LANCL3: variants seen among roughly 807,000 people sequenced by gnomAD.
LANCL3 encodes the protein LanC like family member 3, also known as lanC-like protein 3.
A neutral mutation model predicts 26.5 loss-of-function variants in LANCL3; 19 were observed. That is an observed-to-expected ratio of 0.72 (90% CI 0.50 to 1.05). LANCL3 has a LOEUF of 1.05. Among genes scored for constraint, LANCL3 ranks in the 50% least tolerant of loss-of-function variants. LANCL3 has a pLI of 0.00. For missense variants in LANCL3, 318 were observed against 362.7 expected (o/e 0.88, Z 1.00); for synonymous variants, 160 against 166.6 (o/e 0.96, Z 0.30).
At chrX:37,616,972 T>C (rs1284099228) in intron 1 of LANCL3, among the ~76,000 whole-genome samples, 1 of 111,867 alleles carries the variant, frequency 8.9e-6, no homozygotes, top group East Asian at 2.8e-4. Context: ...AAGTGCTCTT[T>C]TGAAAGATCA....
chrX:37,604,192 G>C (rs1924644958), intron 1 of LANCL3, among the ~76,000 whole-genome samples: 1 of 112,446 alleles, frequency 8.9e-6, no homozygotes, highest in African/African-American at 3.2e-5. Context: ...GAAGCAGTGT[G>C]ACAACTGTTG....
At chrX:37,595,766 G>C (rs1436695264) in intron 1 of LANCL3, among the ~76,000 whole-genome samples, 1 of 111,523 alleles carries the variant, frequency 9.0e-6, no homozygotes, top group Non-Finnish European at 1.9e-5. Flanking sequence ...ATATATTTCT[G>C]GACCCTTATC....
rs1926926708 is a variant in LANCL3, at chrX:37,681,153, A to C, written c.*5340A>C. ...AATGCAAACCACATATGCAATTTTC[A>C]AATTTTCTAGTAGCTACCAAAAAGG... is the stretch of plus-strand genomic sequence containing the variant. On this transcript the variant is annotated 3_prime_UTR_variant, in exon 5 of 5. Transcript: ENST00000378619. The C allele has an allele frequency of 8.9e-6, 1 of 112,275 alleles. No homozygotes were observed. The highest frequency in any genetic ancestry group is 9.4e-5 in the Admixed American group (1 of 10,615). 9.3% of individuals were successfully genotyped at this position (112,275 alleles called of 1,213,427 possible). A position where few individuals can be genotyped will look rare whatever the true frequency, so the allele number is the denominator to read the frequency against.
At chrX:37,591,616 T>G (rs373151603) in intron 1 of LANCL3, among the ~76,000 whole-genome samples, 1,717 of 108,975 alleles carry the variant, frequency 0.016, 15 homozygotes, top group African/African-American at 0.026. Flanking sequence ...AGCAAGAGTG[T>G]GATCTTAGGC....
chrX:37,580,584 A>G (rs782058442), intron 1 of LANCL3, among the ~76,000 whole-genome samples: 7 of 111,468 alleles, frequency 6.3e-5, no homozygotes, highest in Non-Finnish European at 1.3e-4. Flanking sequence ...AGCAACTTTG[A>G]AGTATAGAAT....
intron 1 of LANCL3, among the ~76,000 whole-genome samples, chrX:37,597,728 G>A (rs1348861802): frequency 1.2e-5 from 1 of 85,208 alleles, no homozygotes; most frequent in African/African-American, 4.7e-5. Flanking sequence ...TATTGCCCAA[G>A]CTGTTCTCGA....
At chrX:37,673,319 A>C (rs1926724771) in intron 4 of LANCL3, among the ~76,000 whole-genome samples, 1 of 109,710 alleles carries the variant, frequency 9.1e-6, no homozygotes, top group Non-Finnish European at 1.9e-5. Context: ...TTTGTTTTCC[A>C]CTTTTACTTC....
intron 1 of LANCL3, among the ~76,000 whole-genome samples, chrX:37,581,856 C>T (rs141925795): frequency 1.3e-3 from 144 of 110,821 alleles, no homozygotes; most frequent in African/African-American, 4.5e-3. Flanking sequence ...TATGTATATA[C>T]GTGCCATGTT....
In LANCL3 at chrX:37,655,770, C is replaced by A. The variant is rs782645717; in HGVS notation, c.656C>A (p.Pro219Gln). The stretch of plus-strand genomic sequence containing the variant: ...CAGTATGCCATAAAGAAGAGGAAAC[C>A]ATTCCCCCTGATGTATTCTTACTAT... Reference protein sequence around the residue: ...GKQYAIKKRKPFPLMYSYYGT... With the variant: ...GKQYAIKKRKQFPLMYSYYGT... The change falls in exon 2 of 5, where the codon CCA (proline) becomes CAA (glutamine). Residue 219 changes from proline (P) to glutamine (Q), a missense_variant. Physicochemically the swap from Pro to Gln is moderately conservative, Grantham distance 76. Transcript: ENST00000378619. 5.0e-6 allele frequency: 6 copies of A among 1,205,450 alleles called. No homozygotes were observed. The highest frequency in any genetic ancestry group is 6.7e-6 in the Non-Finnish European group (6 of 890,478).
chrX:37,639,543 A>G (rs1328492473), intron 1 of LANCL3, among the ~76,000 whole-genome samples: 1 of 110,470 alleles, frequency 9.1e-6, no homozygotes, highest in African/African-American at 3.3e-5. Context: ...AGGCAAACTT[A>G]TAGTGAGGGT....
chrX:37,651,445 T>G (rs1377175285), intron 1 of LANCL3, among the ~76,000 whole-genome samples: 1 of 112,476 alleles, frequency 8.9e-6, no homozygotes, highest in Non-Finnish European at 1.9e-5. Flanking sequence ...ATTTTGTTAT[T>G]CTTTATAGTT....
intron 1 of LANCL3, among the ~76,000 whole-genome samples, chrX:37,609,557 A>G (rs1019032149): frequency 1.2e-4 from 13 of 112,022 alleles, no homozygotes; most frequent in African/African-American, 4.2e-4. Flanking sequence ...ATTGGACCAC[A>G]TGGGTCCTTG....
intron 1 of LANCL3, among the ~76,000 whole-genome samples, chrX:37,631,306 A>G (rs1488749145): frequency 1.8e-5 from 2 of 111,483 alleles, no homozygotes; most frequent in Non-Finnish European, 3.8e-5. Context: ...TATCCCCTAT[A>G]TCATTTTTTG....
At chrX:37,641,269 T>C (rs1925853168) in intron 1 of LANCL3, among the ~76,000 whole-genome samples, 1 of 110,117 alleles carries the variant, frequency 9.1e-6, no homozygotes, top group Non-Finnish European at 1.9e-5. Flanking sequence ...ATGTCCATTT[T>C]ATTTCATATA....
chrX:37,648,216 A>G (rs1244725678), intron 1 of LANCL3, among the ~76,000 whole-genome samples: 4 of 112,562 alleles, frequency 3.6e-5, no homozygotes, highest in African/African-American at 9.7e-5. Context: ...CGATAGTCAT[A>G]GTTAGAAAAA....
At chrX:37,632,389 G>A (rs1332394248) in intron 1 of LANCL3, among the ~76,000 whole-genome samples, 2 of 111,131 alleles carry the variant, frequency 1.8e-5, no homozygotes, top group East Asian at 2.8e-4. Flanking sequence ...CACTGTGATG[G>A]GTCTTGACTC....
intron 1 of LANCL3, among the ~76,000 whole-genome samples, chrX:37,591,371 T>G (rs1465421237): frequency 5.4e-5 from 6 of 111,059 alleles, no homozygotes; most frequent in Admixed American, 9.6e-5. Flanking sequence ...ATCTCTGGTG[T>G]TAGTGGTGGT....
intron 1 of LANCL3, among the ~76,000 whole-genome samples, chrX:37,577,711 T>C (rs1276235733): frequency 8.9e-6 from 1 of 112,136 alleles, no homozygotes; most frequent in Admixed American, 9.4e-5. Context: ...GGTAGCCTTT[T>C]TCGCTACTAC....
intron 1 of LANCL3, among the ~76,000 whole-genome samples, chrX:37,609,420 G>A (rs1602106266): frequency 8.9e-6 from 1 of 111,814 alleles, no homozygotes; most frequent in South Asian, 3.7e-4. Flanking sequence ...GTGGAGAATC[G>A]GGAAAGGGTA....
Sources: gnomAD v4.1 joint callset for allele counts (sites outside exome capture counted in the v4.1 genomes callset) on GRCh38, gnomAD v4.1.1 for gene constraint, MANE v1.5 for transcripts, NCBI Gene and HGNC (gene_info 2026-07-23, HGNC 2026-07-21) for gene names.